The following BFSP2 variants were observed in gnomAD, a reference collection of about 807,000 sequenced individuals.
BFSP2 encodes the protein phakinin.
A neutral mutation model predicts 44.9 loss-of-function variants in BFSP2; 38 were observed. The observed-to-expected ratio is 0.85, with a 90% CI of 0.65 to 1.11. BFSP2 has a LOEUF of 1.11. BFSP2 is among the 50% of genes least tolerant of loss of function. The pLI is 0.00. For synonymous variants in BFSP2, 197 were observed against 209.9 expected (o/e 0.94, Z 0.53); for missense variants, 525 against 533.0 (o/e 0.99, Z 0.15).
chr3:133,462,250 A>AG (rs199815841), intron 4 of BFSP2, among the ~76,000 whole-genome samples: 2 of 152,306 alleles, frequency 1.3e-5, no homozygotes, highest in Non-Finnish European at 2.9e-5. Context: ...TTATTTGTAA[A>AG]AAAAGAGTGA....
At chr3:133,431,998 C>A (rs550385450) in intron 1 of BFSP2, among the ~76,000 whole-genome samples, 1 of 151,918 alleles carries the variant, frequency 6.6e-6, no homozygotes, top group African/African-American at 2.4e-5. Flanking sequence ...CATATCCCCC[C>A]ACCTTAACCC....
intron 4 of BFSP2, among the ~76,000 whole-genome samples, chr3:133,460,636 A>G (rs994305510): frequency 6.6e-6 from 1 of 152,184 alleles, no homozygotes; most frequent in Non-Finnish European, 1.5e-5. Context: ...GGGGGCTAAA[A>G]GTTATGCCAG....
intron 1 of BFSP2, among the ~76,000 whole-genome samples, chr3:133,424,216 T>TGTGTGTGTGTGTGTGTGTG (rs1559963358): frequency 5.5e-4 from 27 of 49,424 alleles, no homozygotes; most frequent in African/African-American, 1.0e-3. Context: ...CAGCTAATTT[T>TGTGTGTGTGTGTGTGTGTG]TTTTTTTTTT....
chr3:133,432,288 C>A (rs2073730427), intron 1 of BFSP2, among the ~76,000 whole-genome samples: 1 of 152,232 alleles, frequency 6.6e-6, no homozygotes, highest in South Asian at 2.1e-4. Flanking sequence ...TTTTGCCTAT[C>A]CGCCCTGTGG....
Position 133,448,474 on chromosome 3 carries a change from T to A in BFSP2, c.573-15T>A. ...GGGCTACTCAGTTATGCTAATTAAGTTCCTTTATCTGCAGATATGAAAATG... is the reference window on the plus strand; with the variant it reads ...GGGCTACTCAGTTATGCTAATTAAGATCCTTTATCTGCAGATATGAAAATG... On this transcript the variant is annotated splice_polypyrimidine_tract_variant and intron_variant, in intron 2 of 6. Transcript: ENST00000302334. 6.2e-7 allele frequency: 1 copy of A among 1,613,508 alleles called. No individual in the cohort carries two copies. Among genetic ancestry groups the A allele is most frequent in the Non-Finnish European group, 8.5e-7 (1 of 1,179,916 alleles).
intron 1 of BFSP2, among the ~76,000 whole-genome samples, chr3:133,436,544 A>T (rs2073784985): frequency 6.6e-6 from 1 of 152,168 alleles, no homozygotes; most frequent in Non-Finnish European, 1.5e-5. Context: ...CTTAAAAAGC[A>T]TTTGGGTTTG....
At chr3:133,452,975 A>C (rs2073979508) in intron 4 of BFSP2, among the ~76,000 whole-genome samples, 1 of 152,232 alleles carries the variant, frequency 6.6e-6, no homozygotes, top group African/African-American at 2.4e-5. Context: ...ACAGTAACTC[A>C]AACATTAATT....
intron 1 of BFSP2, among the ~76,000 whole-genome samples, chr3:133,424,221 T>TGTGTGTGTGTGTGTGTGTGTGTGTGTG (rs879768397): frequency 5.7e-5 from 6 of 105,460 alleles, no homozygotes; most frequent in African/African-American, 1.2e-4. Flanking sequence ...AATTTTTTTT[T>TGTGTGTGTGTGTGTGTGTGTGTGTGTG]TTTTTTTTTT....
rs775516733 is a variant in BFSP2, at chr3:133,400,143, C to T, written c.60C>T (p.Leu20=). Residue 20 remains leucine, a synonymous_variant, in exon 1 of 7, where the codon CTC becomes CTT. Coordinates refer to ENST00000302334, the MANE Select transcript of BFSP2 (RefSeq NM_003571.4). The surrounding 1 kb of genome is among the most constrained non-coding windows in gnomAD (Gnocchi z 4.0). ...CCAGTGCCAGCTCCAGCATGCCCCT[C>T]CAGAGGCGCAGGGCGTCCTTCAGGG... ...LPTSASSSMP[L]QRRRASFRGP... The T allele has an allele frequency of 2.5e-5, 41 of 1,614,078 alleles. No homozygotes were observed. Among genetic ancestry groups the T allele is most frequent in the Non-Finnish European group, 3.5e-5 (41 of 1,180,042 alleles).
At position 133,430,517 on chromosome 3, in the gene BFSP2, G is replaced by A. The variant is rs138851476; in HGVS notation, c.490-16800G>A. Reference sequence around the variant, plus strand: ...TTCTCTGATTTTCTTCTGCAATGCCGCTTGACCCCAATACATACTCGACAG... The same window carrying A: ...TTCTCTGATTTTCTTCTGCAATGCCACTTGACCCCAATACATACTCGACAG... On this transcript the variant is annotated intron_variant, in intron 1 of 6. Transcript: ENST00000302334. Among the ~76,000 whole-genome samples the A allele has an allele frequency of 9.4e-3, 1,426 of 152,246 alleles. 11 individuals are homozygous for A. Among genetic ancestry groups the A allele is most frequent in the Non-Finnish European group, 0.015 (992 of 68,022 alleles).
rs144259542 is a variant in BFSP2 at position 133,438,081 on chromosome 3, C to G, written c.490-9236C>G. Among the ~76,000 whole-genome samples, 209 of 152,194 alleles carry G rather than the reference C, an allele frequency of 1.4e-3. 3 individuals carry two copies. Among genetic ancestry groups the G allele is most frequent in the African/African-American group, 4.9e-3 (202 of 41,508 alleles). ...TATAGTTGATACAAGAAATAGAGTT[C>G]TATTATTTAAAGTGATCAAAACAGC... On this transcript the variant is annotated intron_variant, in intron 1 of 6. Coordinates refer to ENST00000302334, the MANE Select transcript of BFSP2 (RefSeq NM_003571.4).
At chr3:133,411,180 G>A (rs2073449156) in intron 1 of BFSP2, among the ~76,000 whole-genome samples, 1 of 129,504 alleles carries the variant, frequency 7.7e-6, no homozygotes, top group Non-Finnish European at 1.6e-5. Flanking sequence ...GTATAACACC[G>A]AAAAAAAAAA....
Position 133,466,908 on chromosome 3 carries a change from T to C in BFSP2, c.972T>C (p.Thr324=). 1.2e-6 allele frequency: 2 copies of C among 1,614,028 alleles called. No homozygotes were observed. Among genetic ancestry groups the C allele is most frequent in the South Asian group, 2.2e-5 (2 of 91,078 alleles). ...CCCTCAGGGTGGAGTTACACAACACTTCGTGCCAAGTCCAGAGCCTCCAGG... is the reference window on the plus strand; with the variant it reads ...CCCTCAGGGTGGAGTTACACAACACCTCGTGCCAAGTCCAGAGCCTCCAGG... ...AAALRVELHN[T]SCQVQSLQAE... Residue 324 remains threonine (T), a synonymous_variant, in exon 5 of 7, where the codon ACT becomes ACC. Transcript: ENST00000302334.
chr3:133,405,588 T>C (rs2073397696), intron 1 of BFSP2, among the ~76,000 whole-genome samples: 1 of 152,116 alleles, frequency 6.6e-6, no homozygotes, highest in South Asian at 2.1e-4. Flanking sequence ...ACAGGGTTTG[T>C]TGTTCATGAT....
At chr3:133,424,003 T>C (rs554194489) in intron 1 of BFSP2, among the ~76,000 whole-genome samples, 2 of 151,406 alleles carry the variant, frequency 1.3e-5, no homozygotes, top group South Asian at 4.2e-4. Flanking sequence ...AGACTTTGCA[T>C]ATATCGACCA....
intron 5 of BFSP2, among the ~76,000 whole-genome samples, 187 bp downstream of exon 5, chr3:133,467,146 T>G (rs977322774): frequency 6.6e-6 from 1 of 152,212 alleles, no homozygotes; most frequent in Non-Finnish European, 1.5e-5. Flanking sequence ...CAATAGACAC[T>G]GTAGTGCCCC....
intron 5 of BFSP2, among the ~76,000 whole-genome samples, chr3:133,470,196 T>C (rs1165368390): frequency 6.6e-6 from 1 of 152,196 alleles, no homozygotes; most frequent in Admixed American, 6.5e-5. Flanking sequence ...ACGTTTTGCC[T>C]CTTATAAATA....
At chr3:133,438,430 G>A (rs569687736) in intron 1 of BFSP2, among the ~76,000 whole-genome samples, 1 of 152,330 alleles carries the variant, frequency 6.6e-6, no homozygotes, top group East Asian at 1.9e-4. Context: ...AGCTACTCAG[G>A]AGGCTGAGGC....
intron 1 of BFSP2, among the ~76,000 whole-genome samples, chr3:133,402,789 C>T (rs1208965570): frequency 2.6e-5 from 4 of 151,932 alleles, no homozygotes; most frequent in South Asian, 2.1e-4. Context: ...TACAGGTGCA[C>T]GCCACCACGC....
Sources: allele counts gnomAD v4.1 joint callset (sites outside exome capture counted in the v4.1 genomes callset), GRCh38; gene constraint gnomAD v4.1.1; non-coding constraint Gnocchi (gnomAD v3.1); transcripts MANE v1.5; gene names NCBI Gene and HGNC (gene_info 2026-07-23, HGNC 2026-07-21).